CCDC40: variants seen among roughly 807,000 people sequenced by gnomAD.
The protein encoded by CCDC40 is coiled-coil domain 40 molecular ruler complex subunit.
CCDC40 carries 104 observed loss-of-function variants against 124.5 expected under a neutral mutation model. The observed-to-expected ratio is 0.84, with a 90% CI of 0.71 to 0.98. CCDC40 has a LOEUF of 0.98. Among genes scored for constraint, CCDC40 ranks in the 50% least tolerant of loss-of-function variants. CCDC40 has a pLI of 0.00. For synonymous variants in CCDC40, 580 were observed against 602.9 expected (o/e 0.96, Z 0.56); for missense variants, 1,463 against 1,503.9 (o/e 0.97, Z 0.45).
intron 17 of CCDC40, among the ~76,000 whole-genome samples, chr17:80,093,667 C>T (rs2038757614): frequency 6.6e-6 from 1 of 151,838 alleles, no homozygotes; most frequent in Non-Finnish European, 1.5e-5. Flanking sequence ...GCGTGCACCA[C>T]TATGCCTGGC....
Position 80,086,189 on chromosome 17 carries a change from A to G in CCDC40, c.2422A>G (p.Met808Val). The change falls in exon 14 of 20, where the codon ATG becomes GTG. Residue 808 changes from methionine (M) to valine (V), a missense_variant. Coordinates refer to ENST00000397545, the MANE Select transcript of CCDC40 (RefSeq NM_017950.4). The surrounding 1 kb of genome is among the most constrained non-coding windows in gnomAD (Gnocchi z 5.5). ...LDASKKELHIMEQKKLRVESK... is the reference protein window; with the variant it reads ...LDASKKELHIVEQKKLRVESK... ...CGCATCCAAGAAGGAGCTCCACATC[A>G]TGGAGCAGAAGAAACTACGAGTAGA... 1 of 1,611,966 alleles carries G rather than the reference A, an allele frequency of 6.2e-7. No homozygotes were observed. Among genetic ancestry groups the G allele is most frequent in the Non-Finnish European group, 8.5e-7 (1 of 1,179,042 alleles).
intron 4 of CCDC40, chr17:80,048,355 C>T (rs1301537582): frequency 1.7e-6 from 1 of 587,426 alleles, no homozygotes; most frequent in East Asian, 2.9e-5. Flanking sequence ...TAATTTCCTT[C>T]CTGCCTACCT....
intron 3 of CCDC40, among the ~76,000 whole-genome samples, chr17:80,044,731 A>ATC (rs2037378693): frequency 6.9e-6 from 1 of 145,186 alleles, no homozygotes. Context: ...ATATATATAT[A>ATC]TATATATCTC....
chr17:80,090,072 C>T, intron 17 of CCDC40, 188 bp downstream of exon 17: 4 of 1,536,654 alleles, frequency 2.6e-6, no homozygotes, highest in South Asian at 2.4e-5. Context: ...GCACTCCAGC[C>T]GAGCACTGGC....
At chr17:80,036,870 C>A in intron 1 of CCDC40, 179 bp downstream of exon 1, 1 of 518,724 alleles carries the variant, frequency 1.9e-6, no homozygotes, top group Non-Finnish European at 3.3e-6. Context: ...GCGTTCAGCC[C>A]CTCACCCCCC....
At chr17:80,095,790 C>T (rs1043103254) in intron 18 of CCDC40, among the ~76,000 whole-genome samples, 3 of 152,216 alleles carry the variant, frequency 2.0e-5, no homozygotes, top group African/African-American at 4.8e-5. Context: ...CACCCAGAGA[C>T]GGCCGTGTTT....
chr17:80,090,586 C>T (rs915379893), intron 17 of CCDC40: 1 of 1,490,572 alleles, frequency 6.7e-7, no homozygotes, highest in South Asian at 1.3e-5. Flanking sequence ...ACTTTGTGAC[C>T]CTCTAACGTA....
chr17:80,063,298 T>G (rs989442612), intron 9 of CCDC40, among the ~76,000 whole-genome samples: 22 of 152,226 alleles, frequency 1.4e-4, no homozygotes, highest in African/African-American at 4.8e-4. Flanking sequence ...TCTCTAAGTG[T>G]TAGGGTTATT....
chr17:80,063,160 G>C (rs28585081), intron 9 of CCDC40, among the ~76,000 whole-genome samples: 11,742 of 151,824 alleles, frequency 0.077, 1,467 homozygotes, highest in African/African-American at 0.26. Flanking sequence ...GTGCCATTTT[G>C]CTCCAGCCTG....
At chr17:80,072,106 C>T (rs921562013) in intron 10 of CCDC40, among the ~76,000 whole-genome samples, 3 of 152,034 alleles carry the variant, frequency 2.0e-5, no homozygotes, top group African/African-American at 7.2e-5. Flanking sequence ...TCTGAAAGTG[C>T]TGGGAATTAC....
chr17:80,088,951 A>AAAACT (rs2038645681), intron 16 of CCDC40, among the ~76,000 whole-genome samples: 1 of 152,210 alleles, frequency 6.6e-6, no homozygotes. Flanking sequence ...TTCCTTTGTG[A>AAAACT]TAAAGTTTTT....
intron 5 of CCDC40, among the ~76,000 whole-genome samples, chr17:80,049,008 T>C (rs2037506840): frequency 5.9e-5 from 9 of 152,164 alleles, no homozygotes; most frequent in Admixed American, 5.9e-4. Context: ...CGGGTCATTC[T>C]GTGCTGTGCC....
intron 12 of CCDC40, 122 bp downstream of exon 12, chr17:80,082,180 C>A: frequency 1.4e-6 from 1 of 696,384 alleles, no homozygotes; most frequent in Non-Finnish European, 2.4e-6. Flanking sequence ...CCTGTGCTCA[C>A]TCCTTTCCAT....
chr17:80,067,951 C>T, intron 10 of CCDC40: 1 of 1,147,132 alleles, frequency 8.7e-7, no homozygotes, highest in Non-Finnish European at 1.1e-6. Context: ...AAACACTTCA[C>T]AACGAGTGAG....
rs2037805472 is a variant in CCDC40 at position 80,058,398 on chromosome 17, G to A, written c.1160-96G>A. 1.3e-5 allele frequency: 15 copies of A among 1,153,974 alleles called. No individual in the cohort carries two copies. The South Asian group carries it at 1.6e-4, about 13-fold the overall frequency. The allele number at this position is 1,153,974 out of a possible 1,614,324, so 71.5% of individuals were successfully genotyped here. A position where few individuals can be genotyped will look rare whatever the true frequency, so the allele number is the denominator to read the frequency against. On this transcript the variant is annotated intron_variant, in intron 7 of 19. Transcript: ENST00000397545. This position sits in a 1 kb window ranked among gnomAD's most constrained non-coding sequence, Gnocchi z 4.2. ...AATGGCAGGAAGGGTGCCCAGAACG[G>A]CTGTTCCCTGCTTCCTCCTGGGTCT...
At chr17:80,094,195 T>C (rs2038765555) in intron 17 of CCDC40, among the ~76,000 whole-genome samples, 1 of 149,014 alleles carries the variant, frequency 6.7e-6, no homozygotes, top group Non-Finnish European at 1.5e-5. Flanking sequence ...GTGGATCACT[T>C]GAGGTCAGTT....
At chr17:80,068,388 A>G (rs1217352166) in intron 10 of CCDC40, among the ~76,000 whole-genome samples, 1 of 152,220 alleles carries the variant, frequency 6.6e-6, no homozygotes, top group Non-Finnish European at 1.5e-5. Context: ...AACTGTAATT[A>G]CAGAGATTTG....
chr17:80,059,563 A>G (rs1400046151), intron 9 of CCDC40, among the ~76,000 whole-genome samples: 1 of 128,306 alleles, frequency 7.8e-6, no homozygotes, highest in Non-Finnish European at 1.6e-5. Flanking sequence ...GAAACAATTA[A>G]CTTTTTTTTT....
At chr17:80,043,605 CTTTTTTTTTT>C (rs61278841) in intron 3 of CCDC40, among the ~76,000 whole-genome samples, 4 of 121,376 alleles carry the variant, frequency 3.3e-5, no homozygotes, top group Non-Finnish European at 6.6e-5. Context: ...TCTCCTCTTC[CTTTTTTTTTT>C]TTTTTTTTTT....
Sources: gnomAD v4.1 joint callset for allele counts (sites outside exome capture counted in the v4.1 genomes callset) on GRCh38, gnomAD v4.1.1 for gene constraint, Gnocchi (gnomAD v3.1) non-coding constraint, MANE v1.5 for transcripts, NCBI Gene and HGNC (gene_info 2026-07-23, HGNC 2026-07-21) for gene names.